Variants in STIM1 observed in about 807,000 individuals in gnomAD.
STIM1 encodes stromal interaction molecule 1.
Under a neutral mutation model 74.7 loss-of-function variants are expected in STIM1, and 25 were observed. That is an observed-to-expected ratio of 0.33 (90% CI 0.24 to 0.47). The LOEUF (loss-of-function observed/expected upper bound fraction) is 0.47, where lower values mean the gene tolerates loss of function less well. STIM1 is among the 20% of genes least tolerant of loss of function. The pLI is 1.00. For missense variants in STIM1, 728 were observed against 920.8 expected, an observed-to-expected ratio of 0.79 and a Z score of 2.71; for synonymous variants, 328 against 348.8, an observed-to-expected ratio of 0.94 and a Z score of 0.66.
Position 4,091,953 on chromosome 11 carries a change from T to A in STIM1, c.*155T>A. 2.0e-6 allele frequency: 2 copies of A among 1,018,230 alleles called. No homozygotes were observed. Among genetic ancestry groups the A allele is most frequent in the Non-Finnish European group, 2.9e-6 (2 of 686,944 alleles). The allele number at this position is 1,018,230 out of a possible 1,614,324, so 63.1% of individuals were successfully genotyped here. A position where few individuals can be genotyped will look rare whatever the true frequency, so the allele number is the denominator to read the frequency against. On this transcript the variant is annotated 3_prime_UTR_variant, in exon 13 of 13. Transcript: ENST00000526596. Reference sequence around the variant, plus strand: ...ACTGTACATACCTGCCCCCTCATCCTTGGGTCCTTCATTATTATTTATTAA... The same window carrying A: ...ACTGTACATACCTGCCCCCTCATCCATGGGTCCTTCATTATTATTTATTAA...
chr11:4,026,100 T>A (rs1007782003), intron 3 of STIM1, among the ~76,000 whole-genome samples: 6 of 152,210 alleles, frequency 3.9e-5, no homozygotes, highest in African/African-American at 1.4e-4. Context: ...AAAAAGCATT[T>A]AATATTCTGG....
At chr11:4,086,656 C>T in intron 12 of STIM1, 113 bp downstream of exon 12, 1 of 1,553,774 alleles carries the variant, frequency 6.4e-7, no homozygotes, top group Non-Finnish European at 8.7e-7. Context: ...GACCAGCTCT[C>T]CATCTGCCTC....
intron 2 of STIM1, among the ~76,000 whole-genome samples, chr11:4,016,816 C>G (rs1008124770): frequency 6.6e-6 from 1 of 152,176 alleles, no homozygotes; most frequent in Non-Finnish European, 1.5e-5. Flanking sequence ...TGTCCCGGGT[C>G]GATCTCAGAC....
At chr11:3,899,985 G>T (rs1344022131) in intron 1 of STIM1, among the ~76,000 whole-genome samples, 1 of 151,914 alleles carries the variant, frequency 6.6e-6, no homozygotes, top group Admixed American at 6.5e-5. Flanking sequence ...TCTCTTTTTT[G>T]GTTGTGTCTC....
chr11:3,946,869 G>A (rs1384379653), intron 1 of STIM1, among the ~76,000 whole-genome samples: 1 of 152,160 alleles, frequency 6.6e-6, no homozygotes, highest in African/African-American at 2.4e-5. Context: ...GTGACTGTGT[G>A]ACATTGGGCA....
intron 2 of STIM1, among the ~76,000 whole-genome samples, chr11:3,992,197 C>T (rs1590628731): frequency 6.8e-6 from 1 of 146,390 alleles, no homozygotes; most frequent in East Asian, 2.0e-4. Flanking sequence ...TTGCCTGAAG[C>T]CAGGAGTTCG....
intron 2 of STIM1, among the ~76,000 whole-genome samples, chr11:4,018,470 A>C (rs866342147): frequency 0.034 from 4,946 of 143,830 alleles, 380 homozygotes; most frequent in African/African-American, 0.12. Flanking sequence ...AAAAAAAAAA[A>C]AAAAAAAAAA....
At chr11:3,992,054 C>G (rs1302362142) in intron 2 of STIM1, among the ~76,000 whole-genome samples, 4 of 93,628 alleles carry the variant, frequency 4.3e-5, no homozygotes, top group Admixed American at 1.2e-4. Flanking sequence ...TAAGTGTTTT[C>G]TTTTCTCTGC....
At chr11:3,881,496 G>A (rs978770718) in intron 1 of STIM1, among the ~76,000 whole-genome samples, 17 of 150,926 alleles carry the variant, frequency 1.1e-4, no homozygotes, top group East Asian at 4.0e-4. Flanking sequence ...TGAGCCTCCC[G>A]ATTAGCTGGG....
chr11:3,877,778 C>T (rs1449620516), intron 1 of STIM1, among the ~76,000 whole-genome samples: 1 of 152,144 alleles, frequency 6.6e-6, no homozygotes, highest in Non-Finnish European at 1.5e-5. Context: ...CATATATGCA[C>T]AAGGGCCAGT....
chr11:4,012,329 C>G (rs1394659254), intron 2 of STIM1, among the ~76,000 whole-genome samples: 5 of 152,212 alleles, frequency 3.3e-5, no homozygotes, highest in African/African-American at 7.2e-5. Context: ...TGGCCATTTT[C>G]ATGATATTGA....
chr11:4,030,323 T>A, intron 3 of STIM1, among the ~76,000 whole-genome samples: 1 of 94,798 alleles, frequency 1.1e-5, no homozygotes, highest in Non-Finnish European at 1.9e-5. Flanking sequence ...TGAAACTCCA[T>A]CTCAAAAAAA....
chr11:4,009,535 C>G lies in STIM1; in HGVS notation c.271-14338C>G, dbSNP rs111963074. On this transcript the variant is annotated intron_variant, in intron 2 of 12. Transcript: ENST00000526596. ...AGGCAGGAGAATTGCTTGAACCCGG[C>G]GGGCAGAGGTTGCAGTGAGCTGAGA... 2.2e-3 allele frequency among the ~76,000 whole-genome samples: 328 copies of G among 151,366 alleles called. 1 individual carries two copies. The highest frequency in any genetic ancestry group is 7.4e-3 in the African/African-American group (306 of 41,224).
intron 2 of STIM1, among the ~76,000 whole-genome samples, chr11:4,003,602 G>C (rs1336390272): frequency 6.6e-6 from 1 of 151,954 alleles, no homozygotes; most frequent in Non-Finnish European, 1.5e-5. Context: ...AATAATAAGA[G>C]CTATCTATGA....
At chr11:3,929,848 A>T (rs1351247844) in intron 1 of STIM1, among the ~76,000 whole-genome samples, 1 of 152,186 alleles carries the variant, frequency 6.6e-6, no homozygotes, top group African/African-American at 2.4e-5. Flanking sequence ...GTTTACAGAC[A>T]ACAGTCCTGT....
intron 1 of STIM1, among the ~76,000 whole-genome samples, chr11:3,865,391 G>A (rs962524000): frequency 9.9e-5 from 15 of 151,858 alleles, no homozygotes; most frequent in African/African-American, 3.4e-4. Context: ...TGGGTTGTTA[G>A]GAGGTCTGGG....
At chr11:3,994,050 G>A (rs914545774) in intron 2 of STIM1, among the ~76,000 whole-genome samples, 2 of 152,098 alleles carry the variant, frequency 1.3e-5, no homozygotes, top group South Asian at 2.1e-4. Context: ...TTTTTGTAAG[G>A]TGTGTCAGTT....
chr11:4,079,381 C>T (rs887675995), intron 7 of STIM1, among the ~76,000 whole-genome samples: 1 of 151,830 alleles, frequency 6.6e-6, no homozygotes, highest in Non-Finnish European at 1.5e-5. Context: ...CGAGACCAGG[C>T]TGGCCAACGT....
At chr11:3,895,271 T>A (rs10835261) in intron 1 of STIM1, among the ~76,000 whole-genome samples, 44,111 of 151,908 alleles carry the variant, frequency 0.29, 6,698 homozygotes, top group South Asian at 0.41. Context: ...TCTCAGCTTC[T>A]TGGTGGGACT....
Sources: gnomAD v4.1 joint callset for allele counts (sites outside exome capture counted in the v4.1 genomes callset) on GRCh38, gnomAD v4.1.1 for gene constraint, MANE v1.5 for transcripts, NCBI Gene and HGNC (gene_info 2026-07-23, HGNC 2026-07-21) for gene names.